Variants in FGF12 observed in about 807,000 individuals in gnomAD.
FGF12 encodes the protein fibroblast growth factor 12B.
Under a neutral mutation model 23.6 loss-of-function variants are expected in FGF12, and 14 were observed. That is an observed-to-expected ratio of 0.59 (90% confidence interval 0.39 to 0.93). The LOEUF (loss-of-function observed/expected upper bound fraction) is 0.93. Among genes scored for constraint, FGF12 ranks in the 40% least tolerant of loss-of-function variants. FGF12 has a pLI of 0.00. For missense variants in FGF12, 175 were observed against 217.8 expected, an observed-to-expected ratio of 0.80 and a Z score of 1.24; for synonymous variants, 62 against 77.3, an observed-to-expected ratio of 0.80 and a Z score of 1.04.
At chr3:192,257,889 G>A (rs1156409008) in intron 4 of FGF12, among the ~76,000 whole-genome samples, 1 of 151,810 alleles carries the variant, frequency 6.6e-6, no homozygotes, top group African/African-American at 2.4e-5. Context: ...ACTTCTGAGA[G>A]GGCTTGACTT....
rs111683529 is a variant in FGF12, at chr3:192,367,063, C to T, written c.14-6525G>A. ...TCAGAGCAGCTGTGAAGGACGTGGA[C>T]GTCTCCAAAGGCGGAGACACTCTGA... is the stretch of plus-strand genomic sequence containing the variant. On this transcript the variant is annotated intron_variant, in intron 2 of 5. Coordinates refer to ENST00000445105, the MANE Select transcript of FGF12 (RefSeq NM_004113.6). 3.3e-5 allele frequency among the ~76,000 whole-genome samples: 5 copies of T among 152,308 alleles called. 1 individual carries two copies. Among genetic ancestry groups the T allele is most frequent in the African/African-American group, 7.2e-5 (3 of 41,584 alleles).
intron 2 of FGF12, among the ~76,000 whole-genome samples, chr3:192,517,964 C>A (rs2108844268): frequency 6.6e-6 from 1 of 151,386 alleles, no homozygotes; most frequent in East Asian, 1.9e-4. Flanking sequence ...CCAAAAAAGA[C>A]AAAACAAAAC....
intron 2 of FGF12, among the ~76,000 whole-genome samples, chr3:192,447,730 T>A (rs1722397124): frequency 6.6e-6 from 1 of 152,216 alleles, no homozygotes; most frequent in African/African-American, 2.4e-5. Flanking sequence ...TTCCCATTTT[T>A]AAAAACTTAA....
At chr3:192,217,648 A>G (rs1718259574) in intron 4 of FGF12, among the ~76,000 whole-genome samples, 1 of 152,192 alleles carries the variant, frequency 6.6e-6, no homozygotes, top group Non-Finnish European at 1.5e-5. Context: ...ATTAGGAAAA[A>G]TATATAAAAT....
At chr3:192,396,023 G>T (rs1720504173) in intron 2 of FGF12, among the ~76,000 whole-genome samples, 1 of 152,180 alleles carries the variant, frequency 6.6e-6, no homozygotes, top group Non-Finnish European at 1.5e-5. Context: ...CTTGATTGTG[G>T]AGCCTATTCA....
At chr3:192,539,628 T>C (rs1445583754) in intron 2 of FGF12, among the ~76,000 whole-genome samples, 2 of 152,178 alleles carry the variant, frequency 1.3e-5, no homozygotes, top group Non-Finnish European at 2.9e-5. Flanking sequence ...GAGGTGTCTT[T>C]GTCTGGTTTT....
chr3:192,430,874 C>A (rs953835660), intron 2 of FGF12, among the ~76,000 whole-genome samples: 1 of 152,114 alleles, frequency 6.6e-6, no homozygotes, highest in African/African-American at 2.4e-5. Context: ...GTATTGGGAG[C>A]ATAATTGTTA....
chr3:192,577,886 G>A (rs1246512949), intron 2 of FGF12, among the ~76,000 whole-genome samples: 2 of 152,066 alleles, frequency 1.3e-5, no homozygotes, highest in Non-Finnish European at 2.9e-5. Context: ...GTTAGATAAA[G>A]CCCTAAAAGG....
intron 2 of FGF12, among the ~76,000 whole-genome samples, chr3:192,694,587 G>A (rs1313430520): frequency 2.6e-5 from 4 of 151,390 alleles, no homozygotes; most frequent in East Asian, 1.9e-4. Flanking sequence ...ATACATATAC[G>A]TACATATATA....
intron 2 of FGF12, among the ~76,000 whole-genome samples, chr3:192,470,132 C>G (rs1400130372): frequency 1.3e-5 from 2 of 152,070 alleles, no homozygotes; most frequent in Non-Finnish European, 2.9e-5. Flanking sequence ...TGTAAGAAGT[C>G]AATGAAATCA....
intron 2 of FGF12, among the ~76,000 whole-genome samples, chr3:192,365,993 A>AAAC (rs1337437832): frequency 6.7e-6 from 1 of 149,374 alleles, no homozygotes; most frequent in African/African-American, 2.5e-5. Context: ...AAAAAAAAAA[A>AAAC]AACAACAACA....
intron 2 of FGF12, among the ~76,000 whole-genome samples, chr3:192,362,191 A>C (rs1718760714): frequency 6.6e-6 from 1 of 152,104 alleles, no homozygotes; most frequent in African/African-American, 2.4e-5. Flanking sequence ...AACTATGGAC[A>C]AGTCAGGGAC....
At chr3:192,167,099 A>G (rs533679137) in intron 5 of FGF12, among the ~76,000 whole-genome samples, 1 of 148,326 alleles carries the variant, frequency 6.7e-6, no homozygotes, top group African/African-American at 2.5e-5. Context: ...CAGAGTTTTT[A>G]GTGTCTCAAT....
chr3:192,285,292 A>G (rs1288402098), intron 4 of FGF12, among the ~76,000 whole-genome samples: 1 of 152,068 alleles, frequency 6.6e-6, no homozygotes, highest in Non-Finnish European at 1.5e-5. Context: ...GGCCATAACC[A>G]CATTATTTCT....
intron 2 of FGF12, among the ~76,000 whole-genome samples, chr3:192,443,465 C>T (rs1722264990): frequency 6.6e-6 from 1 of 152,124 alleles, no homozygotes; most frequent in South Asian, 2.1e-4. Flanking sequence ...ATAAGTAGGG[C>T]TGGAAAGGTT....
At chr3:192,726,148 A>G (rs972083234) in intron 2 of FGF12, among the ~76,000 whole-genome samples, 1 of 152,220 alleles carries the variant, frequency 6.6e-6, no homozygotes, top group African/African-American at 2.4e-5. Flanking sequence ...TAGGTAACTC[A>G]CCACCATTCC....
At chr3:192,194,030 C>A (rs1716935104) in intron 4 of FGF12, among the ~76,000 whole-genome samples, 1 of 152,200 alleles carries the variant, frequency 6.6e-6, no homozygotes, top group African/African-American at 2.4e-5. Context: ...TTCTCCAACT[C>A]ATACAGCCCT....
At chr3:192,255,555 GTATAA>G (rs1712330275) in intron 4 of FGF12, among the ~76,000 whole-genome samples, 1 of 151,914 alleles carries the variant, frequency 6.6e-6, no homozygotes, top group African/African-American at 2.4e-5. Flanking sequence ...TTCACGTTTG[GTATAA>G]TAAAATAATT....
Position 192,213,506 on chromosome 3 carries a change from T to A in FGF12, c.229-42850A>T, listed in dbSNP as rs140482328. Among the ~76,000 whole-genome samples the A allele has an allele frequency of 2.5e-3, 386 of 152,136 alleles. 2 individuals carry two copies. Among genetic ancestry groups the A allele is most frequent in the African/African-American group, 8.9e-3 (369 of 41,502 alleles). On this transcript the variant is annotated intron_variant, in intron 4 of 5. Transcript: ENST00000445105. ...TTCATTCGCACAGCCATTTCCAGAG[T>A]AAGTATTATTTTTCCACTATAGTGA... is the stretch of plus-strand genomic sequence containing the variant.
Sources: gnomAD v4.1 joint callset for allele counts (sites outside exome capture counted in the v4.1 genomes callset) on GRCh38, gnomAD v4.1.1 for gene constraint, MANE v1.5 for transcripts, NCBI Gene and HGNC (gene_info 2026-07-23, HGNC 2026-07-21) for gene names.